The following HTR1F variants were observed in gnomAD, a reference collection of about 807,000 sequenced individuals.
HTR1F encodes 5-hydroxytryptamine (serotonin) receptor 1F, G protein-coupled.
HTR1F carries 17 observed loss-of-function variants against 24.0 expected under a neutral mutation model. The observed-to-expected ratio is 0.71, with a 90% CI of 0.48 to 1.06. The LOEUF (loss-of-function observed/expected upper bound fraction) is 1.06. Among genes scored for constraint, HTR1F ranks in the 50% least tolerant of loss-of-function variants. The pLI is 0.00. For missense variants in HTR1F, 391 were observed against 427.8 expected (o/e 0.91, Z 0.76); for synonymous variants, 186 against 156.8 (o/e 1.19, Z -1.39).
intron 2 of HTR1F, among the ~76,000 whole-genome samples, chr3:87,824,044 TAAA>T (rs35672458): frequency 7.4e-6 from 1 of 134,998 alleles, no homozygotes; most frequent in African/African-American, 2.6e-5. Context: ...AGACTCCGCC[TAAA>T]AAAAAAAAAA....
Position 87,901,985 on chromosome 3 carries a change from T to C in HTR1F, c.-43+79861T>C, listed in dbSNP as rs1706334223. 1.3e-5 allele frequency among the ~76,000 whole-genome samples: 2 copies of C among 152,072 alleles called. 1 individual carries two copies. The highest frequency in any genetic ancestry group is 1.3e-4 in the Admixed American group (2 of 15,258). On this transcript the variant is annotated intron_variant, in intron 2 of 2. Transcript: ENST00000319595. ...AACCATAGTTAGAAAGCCTCAATAT[T>C]ATAAATATATTAATTTTTATAAACC...
intron 2 of HTR1F, among the ~76,000 whole-genome samples, chr3:87,888,408 G>T (rs777866377): frequency 9.2e-5 from 14 of 151,996 alleles, no homozygotes; most frequent in Non-Finnish European, 1.9e-4. Flanking sequence ...CATGGCACAT[G>T]TATACCTAAA....
At chr3:87,862,748 CTTTAA>C (rs565795740) in intron 2 of HTR1F, among the ~76,000 whole-genome samples, 70 of 152,150 alleles carry the variant, frequency 4.6e-4, no homozygotes, top group African/African-American at 1.4e-3. Context: ...GATCATTTTT[CTTTAA>C]TTTTTCTATT....
intron 2 of HTR1F, among the ~76,000 whole-genome samples, chr3:87,988,868 C>T (rs1265060445): frequency 7.2e-5 from 11 of 151,940 alleles, no homozygotes; most frequent in Admixed American, 2.6e-4. Flanking sequence ...AATGAGCTAC[C>T]GGGCCTGGTT....
chr3:87,812,851 G>A (rs571720387), intron 1 of HTR1F, among the ~76,000 whole-genome samples: 1 of 152,342 alleles, frequency 6.6e-6, no homozygotes, highest in Non-Finnish European at 1.5e-5. Flanking sequence ...GCTTCAGAGG[G>A]TGCAAGCCCC....
chr3:87,803,032 A>G (rs1016085898), intron 1 of HTR1F, among the ~76,000 whole-genome samples: 3 of 152,142 alleles, frequency 2.0e-5, no homozygotes, highest in Non-Finnish European at 2.9e-5. Context: ...GGAGCTGTCT[A>G]TTCTTACCTT....
At chr3:87,807,666 A>G (rs1704095878) in intron 1 of HTR1F, among the ~76,000 whole-genome samples, 1 of 151,812 alleles carries the variant, frequency 6.6e-6, no homozygotes, top group Non-Finnish European at 1.5e-5. Context: ...ACTAAATAGG[A>G]GTGGGGAAAG....
At chr3:87,873,334 A>T (rs1312618075) in intron 2 of HTR1F, among the ~76,000 whole-genome samples, 2 of 152,262 alleles carry the variant, frequency 1.3e-5, no homozygotes, top group East Asian at 3.9e-4. Flanking sequence ...TGGGAGTGGA[A>T]GGAGGAGATG....
At position 87,864,374 on chromosome 3, in the gene HTR1F, C is replaced by G. The variant is rs1156929554; in HGVS notation, c.-43+42250C>G. 5.3e-5 allele frequency among the ~76,000 whole-genome samples: 8 copies of G among 152,072 alleles called. No individual in the cohort carries two copies. The East Asian group carries it at 1.5e-3, about 29-fold the overall frequency. ...AGATAACACTTCTAGGAGTCTGCAC[C>G]ACATATGGGTTGTTCTGGTCAGCCA... On this transcript the variant is annotated intron_variant, in intron 2 of 2. Coordinates refer to ENST00000319595, the MANE Select transcript of HTR1F (RefSeq NM_001322209.2).
In HTR1F at chr3:87,991,442, G is replaced by T; in HGVS notation, c.693G>T (p.Leu231Phe). The T allele has an allele frequency of 6.2e-7, 1 of 1,613,988 alleles. No homozygotes were observed. The highest frequency in any genetic ancestry group is 8.5e-7 in the Non-Finnish European group (1 of 1,179,954). ...AGGAGGTGAATGGCCAAGTCCTTTT[G>T]GAGAGTGGTGAGAAAAGCACTAAAT... ...AKEEVNGQVL[L>F]ESGEKSTKSV... Residue 231 changes from leucine (L) to phenylalanine (F), a missense_variant, in exon 3 of 3, where the codon TTG becomes TTT. Leu to Phe is a conservative substitution (Grantham distance 22). Coordinates refer to ENST00000319595, the MANE Select transcript of HTR1F (RefSeq NM_001322209.2).
At chr3:87,981,937 C>G (rs753742117) in intron 2 of HTR1F, among the ~76,000 whole-genome samples, 2 of 98,332 alleles carry the variant, frequency 2.0e-5, no homozygotes, top group Non-Finnish European at 4.6e-5. Flanking sequence ...ATGCCTTCTT[C>G]TTTCTTTTTT....
At chr3:87,944,030 G>C (rs1704636450) in intron 2 of HTR1F, among the ~76,000 whole-genome samples, 1 of 152,102 alleles carries the variant, frequency 6.6e-6, no homozygotes, top group South Asian at 2.1e-4. Context: ...TTCCTTTCCA[G>C]GGTGCGTAAC....
At chr3:87,838,162 G>A (rs1704722477) in intron 2 of HTR1F, among the ~76,000 whole-genome samples, 1 of 152,092 alleles carries the variant, frequency 6.6e-6, no homozygotes, top group African/African-American at 2.4e-5. Context: ...AATAGAAATT[G>A]ACCATTAGGG....
intron 2 of HTR1F, among the ~76,000 whole-genome samples, chr3:87,895,662 A>T (rs1461840799): frequency 6.6e-6 from 1 of 152,190 alleles, no homozygotes; most frequent in Non-Finnish European, 1.5e-5. Flanking sequence ...TCTGCCCTTC[A>T]TAGTTTTCAA....
At chr3:87,864,252 G>A (rs1705376116) in intron 2 of HTR1F, among the ~76,000 whole-genome samples, 1 of 152,086 alleles carries the variant, frequency 6.6e-6, no homozygotes, top group African/African-American at 2.4e-5. Flanking sequence ...TGGACAGTTT[G>A]GGAGGCCGTT....
At chr3:87,898,910 T>C (rs181976328) in intron 2 of HTR1F, among the ~76,000 whole-genome samples, 6 of 152,310 alleles carry the variant, frequency 3.9e-5, no homozygotes, top group Admixed American at 2.6e-4. Flanking sequence ...ACATTTACTT[T>C]TGTGTATGTT....
At chr3:87,869,776 G>T (rs1256621889) in intron 2 of HTR1F, among the ~76,000 whole-genome samples, 4 of 152,064 alleles carry the variant, frequency 2.6e-5, no homozygotes, top group South Asian at 2.1e-4. Context: ...AGGGCAATCT[G>T]CTTGGCTCAG....
At chr3:87,940,087 G>T (rs1237864802) in intron 2 of HTR1F, among the ~76,000 whole-genome samples, 6 of 152,144 alleles carry the variant, frequency 3.9e-5, no homozygotes, top group South Asian at 2.1e-4. Flanking sequence ...TGGTTTCAAA[G>T]AACTTATTTA....
At chr3:87,880,951 T>C (rs527308202) in intron 2 of HTR1F, among the ~76,000 whole-genome samples, 3 of 152,320 alleles carry the variant, frequency 2.0e-5, no homozygotes, top group African/African-American at 7.2e-5. Context: ...AATAGAAGTA[T>C]GAGTGGTTCC....
Sources: gnomAD v4.1 joint callset for allele counts (sites outside exome capture counted in the v4.1 genomes callset) on GRCh38, gnomAD v4.1.1 for gene constraint, MANE v1.5 for transcripts, NCBI Gene and HGNC (gene_info 2026-07-23, HGNC 2026-07-21) for gene names.